The following DNAJC13 variants were observed in gnomAD, a reference collection of about 807,000 sequenced individuals.
The protein encoded by DNAJC13 is dnaJ homolog subfamily C member 13.
A neutral mutation model predicts 290.5 loss-of-function variants in DNAJC13; 75 were observed. The ratio of observed to expected loss-of-function variants is 0.26; its 90% confidence interval spans 0.21 to 0.31. The LOEUF (loss-of-function observed/expected upper bound fraction) is 0.31. DNAJC13 is among the 10% of genes least tolerant of loss of function. The probability of loss-of-function intolerance (pLI) is 1.00; values close to 1 mark genes in which losing one functional copy is unlikely to be tolerated. For synonymous variants in DNAJC13, 862 were observed against 892.0 expected, an observed-to-expected ratio of 0.97 and a Z score of 0.60; for missense variants, 2,260 against 2,674.5, an observed-to-expected ratio of 0.85 and a Z score of 3.42.
chr3:132,511,330 A>C, intron 44 of DNAJC13, 86 bp downstream of exon 44: 2 of 1,449,306 alleles, frequency 1.4e-6, no homozygotes, highest in Non-Finnish European at 1.9e-6. Context: ...AGGGAAACTC[A>C]GGGAAAATTA....
intron 30 of DNAJC13, 121 bp downstream of exon 30, chr3:132,488,573 T>C (rs1934961187): frequency 9.8e-7 from 1 of 1,023,170 alleles, no homozygotes; most frequent in East Asian, 2.7e-5. Context: ...AAAGGCTATT[T>C]AAGTACATGT....
intron 15 of DNAJC13, among the ~76,000 whole-genome samples, chr3:132,461,954 A>G (rs1287636864): frequency 6.6e-6 from 1 of 152,064 alleles, no homozygotes; most frequent in East Asian, 1.9e-4. Context: ...CAGCCTCCCA[A>G]AGTGCTGGGA....
Position 132,535,587 on chromosome 3 carries a change from G to C in DNAJC13, c.6626-2589G>C, listed in dbSNP as rs192858752. Among the ~76,000 whole-genome samples the C allele has an allele frequency of 1.3e-5, 2 of 152,280 alleles. 1 individual carries two copies. Among genetic ancestry groups the C allele is most frequent in the Admixed American group, 1.3e-4 (2 of 15,306 alleles). ...CCTAGAAAATCAGTAGCAAAAGAAG[G>C]AACAACAGGAAAAGGAACAGAGGCC... On this transcript the variant is annotated intron_variant, in intron 55 of 55. Transcript: ENST00000260818.
intron 9 of DNAJC13, 102 bp downstream of exon 9, chr3:132,454,259 T>C (rs902911654): frequency 1.2e-6 from 1 of 818,472 alleles, no homozygotes; most frequent in Non-Finnish European, 2.0e-6. Context: ...TTTAAAATCA[T>C]TTAATTTGGG....
intron 54 of DNAJC13, 25 bp from the exon 55 acceptor site, chr3:132,530,973 C>T: frequency 1.3e-6 from 2 of 1,598,752 alleles, no homozygotes; most frequent in Non-Finnish European, 1.7e-6. Flanking sequence ...ATTTTATGTT[C>T]AAAGGGCTTG....
Position 132,526,177 on chromosome 3 carries a change from G to A in DNAJC13, c.6277G>A (p.Gly2093Ser). Reference sequence around the variant, plus strand: ...AGCCATGGCATCTTTAGAGACCATTGGCCCACTGATGAATGGAATGAAAAA... The same window carrying A: ...AGCCATGGCATCTTTAGAGACCATTAGCCCACTGATGAATGGAATGAAAAA... ...VRAMASLETI[G>S]PLMNGMKKRA... The change falls in exon 53 of 56, where the codon GGC (glycine) becomes AGC (serine). Residue 2093 changes from glycine to serine, a missense_variant. Physicochemically the swap from Gly to Ser is moderately conservative, Grantham distance 56. Coordinates refer to ENST00000260818, the MANE Select transcript of DNAJC13 (RefSeq NM_015268.4). 6.2e-7 allele frequency: 1 copy of A among 1,613,998 alleles called. No individual in the cohort carries two copies.
At chr3:132,493,555 A>C (rs978475227) in intron 33 of DNAJC13, among the ~76,000 whole-genome samples, 5 of 152,134 alleles carry the variant, frequency 3.3e-5, no homozygotes, top group African/African-American at 9.7e-5. Flanking sequence ...ACAAGAATTA[A>C]ATTTGATAGT....
chr3:132,517,628 T>C (rs1935956290), intron 48 of DNAJC13, among the ~76,000 whole-genome samples: 1 of 152,090 alleles, frequency 6.6e-6, no homozygotes, highest in African/African-American at 2.4e-5. Flanking sequence ...CTATTCGGAC[T>C]GATATTTAGG....
At chr3:132,504,546 C>T (rs1037740645) in intron 41 of DNAJC13, among the ~76,000 whole-genome samples, 2 of 152,118 alleles carry the variant, frequency 1.3e-5, no homozygotes, top group South Asian at 2.1e-4. Flanking sequence ...TTGGCATGAG[C>T]TCCAACTGGA....
At chr3:132,496,485 C>A in intron 35 of DNAJC13, 43 bp from the exon 36 acceptor site, 1 of 1,493,982 alleles carries the variant, frequency 6.7e-7, no homozygotes, top group Non-Finnish European at 9.0e-7. Flanking sequence ...TTGAATTTTG[C>A]GACATTCCAA....
At chr3:132,505,773 G>A (rs1398231347) in intron 42 of DNAJC13, among the ~76,000 whole-genome samples, 1 of 152,000 alleles carries the variant, frequency 6.6e-6, no homozygotes, top group Admixed American at 6.6e-5. Context: ...TAGTGGAGAA[G>A]CTATTACTGA....
intron 16 of DNAJC13, among the ~76,000 whole-genome samples, chr3:132,462,851 G>A (rs1933845568): frequency 6.6e-6 from 1 of 152,140 alleles, no homozygotes; most frequent in South Asian, 2.1e-4. Flanking sequence ...TTGAGATACT[G>A]AGCTTGTATA....
At chr3:132,445,286 A>C (rs1933208406) in intron 2 of DNAJC13, among the ~76,000 whole-genome samples, 1 of 152,134 alleles carries the variant, frequency 6.6e-6, no homozygotes, top group Non-Finnish European at 1.5e-5. Context: ...ACAACTAGAT[A>C]TTTCAATAAA....
chr3:132,434,738 A>T (rs1333144535), intron 2 of DNAJC13, 120 bp downstream of exon 2: 2 of 618,662 alleles, frequency 3.2e-6, no homozygotes, highest in Non-Finnish European at 5.1e-6. Context: ...CTCTTCTGAA[A>T]AACGTGCATA....
At chr3:132,527,473 A>G (rs1936296756) in intron 53 of DNAJC13, among the ~76,000 whole-genome samples, 1 of 152,168 alleles carries the variant, frequency 6.6e-6, no homozygotes, top group African/African-American at 2.4e-5. Context: ...GTTCAGACTT[A>G]TGATTGGCTT....
intron 31 of DNAJC13, 90 bp from the exon 32 acceptor site, chr3:132,490,807 A>G (rs145908268): frequency 1.6e-6 from 2 of 1,278,598 alleles, no homozygotes; most frequent in Non-Finnish European, 2.1e-6. Flanking sequence ...TTCTTTTCTT[A>G]AAGTGTTCTC....
intron 21 of DNAJC13, among the ~76,000 whole-genome samples, chr3:132,474,714 G>A (rs1247793164): frequency 6.7e-6 from 1 of 148,416 alleles, no homozygotes; most frequent in Non-Finnish European, 1.5e-5. Context: ...ATTTTGCAGT[G>A]AATATCTGTA....
In DNAJC13 at chr3:132,454,119, T is replaced by G; in HGVS notation, c.894T>G (p.Phe298Leu). Residue 298 changes from phenylalanine (F) to leucine (L), a missense_variant, in exon 9 of 56, where the codon TTT becomes TTG. Physicochemically the swap from Phe to Leu is conservative, Grantham distance 22. Around this residue, in one of 3 missense-constraint regions of DNAJC13, gnomAD observed 762 missense variants for 964.1 expected, o/e 0.79. Transcript: ENST00000260818. ...ATCCACAACTTTTTACCATTGAATT[T>G]ATAAAAGGGCAAGTACGGAAATATT... is the stretch of plus-strand genomic sequence containing the variant. The part of the protein sequence containing the change: ...SENPQLFTIE[F>L]IKGQVRKYSS... 1.2e-6 allele frequency: 2 copies of G among 1,608,878 alleles called. No homozygotes were observed. Among genetic ancestry groups the G allele is most frequent in the South Asian group, 2.2e-5 (2 of 89,092 alleles).
chr3:132,534,583 C>A (rs572688253), intron 55 of DNAJC13, among the ~76,000 whole-genome samples: 2 of 152,194 alleles, frequency 1.3e-5, no homozygotes, highest in African/African-American at 4.8e-5. Flanking sequence ...AGGTGGAGGT[C>A]ACAGGTGAGC....
Sources: gnomAD v4.1 joint callset for allele counts (sites outside exome capture counted in the v4.1 genomes callset) on GRCh38, gnomAD v4.1.1 for gene constraint, gnomAD v4.1.1 regional missense constraint, MANE v1.5 for transcripts, NCBI Gene and HGNC (gene_info 2026-07-23, HGNC 2026-07-21) for gene names.